Variants in RGMA observed in about 807,000 individuals in gnomAD.
RGMA encodes repulsive guidance molecule A.
RGMA carries 10 observed loss-of-function variants against 23.2 expected under a neutral mutation model. The observed-to-expected ratio is 0.43, with a 90% confidence interval of 0.27 to 0.73. The LOEUF (loss-of-function observed/expected upper bound fraction) is 0.73. Ranked by LOEUF, RGMA falls within the 30% of genes least tolerant of loss-of-function variation. The pLI is 0.20. For synonymous variants in RGMA, 308 were observed against 279.3 expected (o/e 1.10, Z -1.03); for missense variants, 547 against 630.5 (o/e 0.87, Z 1.42).
chr15:93,076,166 T>G (rs1895470174), intron 1 of RGMA, among the ~76,000 whole-genome samples: 1 of 152,204 alleles, frequency 6.6e-6, no homozygotes, highest in African/African-American at 2.4e-5. Context: ...AGGCTACAGC[T>G]TAGACCTGGG....
chr15:93,044,784 C>G lies in RGMA; in HGVS notation c.*214G>C, dbSNP rs115868524. On this transcript the variant is annotated 3_prime_UTR_variant, in exon 4 of 4. Coordinates refer to ENST00000329082, the MANE Select transcript of RGMA (RefSeq NM_020211.3). ...GAGCTGCTCTCCCTCTCACACAGCT[C>G]TACTGTCAAACATCATGGCACCAGT... 3 of 594,826 alleles carry G rather than the reference C, an allele frequency of 5.0e-6. No homozygotes were observed. Among genetic ancestry groups the G allele is most frequent in the Non-Finnish European group, 9.0e-6 (3 of 334,046 alleles). The allele number at this position is 594,826 out of a possible 1,614,324, so 36.8% of individuals were successfully genotyped here.
intron 1 of RGMA, among the ~76,000 whole-genome samples, chr15:93,086,281 C>T (rs939826575): frequency 8.5e-5 from 13 of 152,182 alleles, no homozygotes; most frequent in African/African-American, 3.1e-4. Flanking sequence ...AGTGTCATTT[C>T]GTTTCACAGA....
Position 93,052,390 on chromosome 15 carries a change from G to C in RGMA, c.248C>G (p.Ala83Gly). 1 of 1,599,832 alleles carries C rather than the reference G, an allele frequency of 6.3e-7. No individual in the cohort carries two copies. Among genetic ancestry groups the C allele is most frequent in the Non-Finnish European group, 8.5e-7 (1 of 1,179,398 alleles). The change falls in exon 3 of 4, where the codon GCC becomes GGC. Residue 83 changes from alanine to glycine, a missense_variant. Ala to Gly is a moderately conservative substitution (Grantham distance 60). Around this residue, in one of 3 missense-constraint regions of RGMA, gnomAD observed 214 missense variants for 234.7 expected, o/e 0.91. Transcript: ENST00000329082. The part of the protein sequence containing the change: ...PEFCAALRSY[A>G]LCTRRTARTC... ...GCGGGCCGTCCGCCGCGTGCACAGG[G>C]CGTAGCTGCGCAAGGCTGCACAGAA...
chr15:93,070,175 T>C (rs924324605), intron 2 of RGMA, among the ~76,000 whole-genome samples: 1 of 152,184 alleles, frequency 6.6e-6, no homozygotes, highest in Non-Finnish European at 1.5e-5. Flanking sequence ...ACCCAGTAGG[T>C]TGGCCATCCA....
intron 1 of RGMA, among the ~76,000 whole-genome samples, chr15:93,076,489 G>A (rs1001598396): frequency 6.6e-6 from 1 of 152,110 alleles, no homozygotes; most frequent in South Asian, 2.1e-4. Context: ...AGACCTTGGG[G>A]GATAAAGAAA....
intron 2 of RGMA, among the ~76,000 whole-genome samples, chr15:93,059,377 TC>T (rs935463752): frequency 1.6e-4 from 24 of 152,300 alleles, no homozygotes; most frequent in Middle Eastern, 6.8e-3. Flanking sequence ...CATCCCGACT[TC>T]TTGGGTTTCC....
intron 2 of RGMA, among the ~76,000 whole-genome samples, chr15:93,069,144 C>T (rs1465731348): frequency 6.6e-6 from 1 of 152,100 alleles, no homozygotes; most frequent in Non-Finnish European, 1.5e-5. Context: ...GAGTTTCATT[C>T]TGTCACCCAG....
chr15:93,042,205 C>T lies in RGMA; in HGVS notation c.*2793G>A, dbSNP rs2054733286. On this transcript the variant is annotated 3_prime_UTR_variant, in exon 4 of 4. Transcript: ENST00000329082. ...AAAGTTCTCCTTTTTCTTCAGCCTT[C>T]CTGGTCTGCCTGGGATTAATGAACT... is the stretch of plus-strand genomic sequence containing the variant. 6.6e-6 allele frequency: 1 copy of T among 152,300 alleles called. No individual in the cohort carries two copies. The highest frequency in any genetic ancestry group is 2.1e-4 in the South Asian group (1 of 4,832). The allele number at this position is 152,300 out of a possible 1,614,324, so 9.4% of individuals were successfully genotyped here. A position where few individuals can be genotyped will look rare whatever the true frequency, so the allele number is the denominator to read the frequency against.
At chr15:93,080,626 C>T (rs1895544060) in intron 1 of RGMA, among the ~76,000 whole-genome samples, 1 of 152,216 alleles carries the variant, frequency 6.6e-6, no homozygotes, top group African/African-American at 2.4e-5. Flanking sequence ...ACGACTCCCT[C>T]TGTGCTCCCT....
intron 2 of RGMA, among the ~76,000 whole-genome samples, chr15:93,055,075 G>A (rs1004893713): frequency 6.6e-6 from 1 of 152,136 alleles, no homozygotes; most frequent in East Asian, 1.9e-4. Context: ...TGTCCCGGCA[G>A]CCTCACTAAT....
intron 1 of RGMA, among the ~76,000 whole-genome samples, chr15:93,081,970 T>C (rs565304509): frequency 2.0e-5 from 3 of 152,250 alleles, no homozygotes; most frequent in Non-Finnish European, 4.4e-5. Context: ...CAATATAGCA[T>C]GCTGGGCTAA....
chr15:93,056,263 A>G (rs2055011835), intron 2 of RGMA, among the ~76,000 whole-genome samples: 1 of 152,182 alleles, frequency 6.6e-6, no homozygotes, highest in Non-Finnish European at 1.5e-5. Flanking sequence ...TTTCCCCAGG[A>G]TGGGGAGGGG....
intron 1 of RGMA, among the ~76,000 whole-genome samples, chr15:93,084,105 T>C (rs1188374465): frequency 6.6e-6 from 1 of 152,202 alleles, no homozygotes; most frequent in East Asian, 1.9e-4. Flanking sequence ...TACGATTCTA[T>C]GAATGAAATG....
At chr15:93,056,190 G>A (rs1452532768) in intron 2 of RGMA, among the ~76,000 whole-genome samples, 4 of 152,192 alleles carry the variant, frequency 2.6e-5, no homozygotes, top group South Asian at 4.1e-4. Flanking sequence ...TCTTTTCAAC[G>A]GTCACAGAAG....
At chr15:93,066,990 G>A (rs922435162) in intron 2 of RGMA, among the ~76,000 whole-genome samples, 3 of 152,244 alleles carry the variant, frequency 2.0e-5, no homozygotes, top group African/African-American at 7.2e-5. Context: ...CACGGGAATG[G>A]CCTTAAGGCA....
At chr15:93,056,386 C>T (rs1221025360) in intron 2 of RGMA, among the ~76,000 whole-genome samples, 5 of 128,096 alleles carry the variant, frequency 3.9e-5, no homozygotes, top group African/African-American at 8.5e-5. Context: ...TGATGCAGAG[C>T]GGCTAAGAAG....
At position 93,042,844 on chromosome 15, in the gene RGMA, A is replaced by T. The variant is rs7173740; in HGVS notation, c.*2154T>A. The T allele has an allele frequency of 6.6e-6, 1 of 152,068 alleles. No individual in the cohort carries two copies. Among genetic ancestry groups the T allele is most frequent in the Non-Finnish European group, 1.5e-5 (1 of 68,138 alleles). 9.4% of individuals were successfully genotyped at this position (152,068 alleles called of 1,614,324 possible). A position where few individuals can be genotyped will look rare whatever the true frequency, so the allele number is the denominator to read the frequency against. On this transcript the variant is annotated 3_prime_UTR_variant, in exon 4 of 4. Transcript: ENST00000329082. ...CCACTGCTCCGCCCGGGCTATGAGA[A>T]GATGGGCACTGGCAGGGAGGGTGGC...
chr15:93,084,513 C>T (rs776994147), intron 1 of RGMA, among the ~76,000 whole-genome samples: 1 of 151,848 alleles, frequency 6.6e-6, no homozygotes, highest in Non-Finnish European at 1.5e-5. Flanking sequence ...GGCTGTGTTG[C>T]CCAGGCTGGA....
chr15:93,087,921 G>A (rs1230958417), intron 1 of RGMA, among the ~76,000 whole-genome samples: 2 of 152,046 alleles, frequency 1.3e-5, no homozygotes, highest in Admixed American at 1.3e-4. Context: ...CTTCCTGGAG[G>A]CGAGGGCTGG....
Sources: allele counts gnomAD v4.1 joint callset (sites outside exome capture counted in the v4.1 genomes callset), GRCh38; gene constraint gnomAD v4.1.1; regional missense constraint gnomAD v4.1.1; transcripts MANE v1.5; gene names NCBI Gene and HGNC (gene_info 2026-07-23, HGNC 2026-07-21).